Variants in LUZP2 observed in about 807,000 individuals in gnomAD.
The protein encoded by LUZP2 is leucine zipper protein 2.
LUZP2 carries 52 observed loss-of-function variants against 51.6 expected under a neutral mutation model. The ratio of observed to expected loss-of-function variants is 1.01; its 90% confidence interval spans 0.81 to 1.27. The LOEUF is 1.27. Among genes scored for constraint, LUZP2 ranks in the 50% most tolerant of loss-of-function variants. The probability of loss-of-function intolerance (pLI) is 0.00; values close to 1 mark genes in which losing one functional copy is unlikely to be tolerated. For synonymous variants in LUZP2, 154 were observed against 137.3 expected, an observed-to-expected ratio of 1.12 and a Z score of -0.85; for missense variants, 436 against 395.4, an observed-to-expected ratio of 1.10 and a Z score of -0.87.
In LUZP2 at chr11:24,600,215, A is replaced by ACACACG. The variant is rs1554961581; in HGVS notation, c.62+102913_62+102914insACGCAC. On this transcript the variant is annotated intron_variant, in intron 1 of 11. Transcript: ENST00000336930. ...CACACACACACACACACACACACAC[A>ACACACG]CACGCACAATGGGGTAACATCATGT... Among the ~76,000 whole-genome samples, 116 of 145,536 alleles carry ACACACG rather than the reference A, an allele frequency of 8.0e-4. 1 individual carries two copies. The highest frequency in any genetic ancestry group is 2.9e-3 in the African/African-American group (112 of 38,904).
chr11:24,810,454 C>T lies in LUZP2; in HGVS notation c.396+47146C>T, dbSNP rs149835764. 2.6e-3 allele frequency among the ~76,000 whole-genome samples: 392 copies of T among 152,258 alleles called. 1 individual carries two copies. Among genetic ancestry groups the T allele is most frequent in the Non-Finnish European group, 3.4e-3 (231 of 67,988 alleles). Reference sequence around the variant, plus strand: ...GCCACTCTTTCTGGAGGGTATTCCACATAACCTGGTTAACAAAATTTAAAA... The same window carrying T: ...GCCACTCTTTCTGGAGGGTATTCCATATAACCTGGTTAACAAAATTTAAAA... On this transcript the variant is annotated intron_variant, in intron 5 of 11. Coordinates refer to ENST00000336930, the MANE Select transcript of LUZP2 (RefSeq NM_001009909.4).
intron 8 of LUZP2, among the ~76,000 whole-genome samples, chr11:24,978,406 G>T (rs117797865): frequency 1.3e-5 from 2 of 151,650 alleles, no homozygotes; most frequent in Non-Finnish European, 2.9e-5. Context: ...CTGTACAGTC[G>T]CTGCAATATT....
intron 5 of LUZP2, among the ~76,000 whole-genome samples, chr11:24,804,015 A>C (rs1025063220): frequency 6.6e-6 from 1 of 150,534 alleles, no homozygotes; most frequent in African/African-American, 2.4e-5. Flanking sequence ...AAAAAAAAAA[A>C]CTAGGAATAA....
chr11:25,072,237 C>G (rs1160124502), intron 10 of LUZP2, among the ~76,000 whole-genome samples: 1 of 152,138 alleles, frequency 6.6e-6, no homozygotes, highest in East Asian at 1.9e-4. Context: ...ACTTAAATCT[C>G]TCTGATACTC....
chr11:24,534,624 AAT>A (rs1287038812), intron 1 of LUZP2, among the ~76,000 whole-genome samples: 2 of 151,462 alleles, frequency 1.3e-5, no homozygotes, highest in African/African-American at 2.4e-5. Context: ...TTTAATATTG[AAT>A]ATGTTTCTAA....
At chr11:24,569,229 C>T (rs1425422066) in intron 1 of LUZP2, among the ~76,000 whole-genome samples, 1 of 151,962 alleles carries the variant, frequency 6.6e-6, no homozygotes, top group Non-Finnish European at 1.5e-5. Flanking sequence ...TACATTTAAT[C>T]TATCTATATA....
In LUZP2 at chr11:24,637,390, G is replaced by A. The variant is rs368241485; in HGVS notation, c.63-91779G>A. 4.6e-5 allele frequency among the ~76,000 whole-genome samples: 7 copies of A among 151,890 alleles called. No individual in the cohort carries two copies. In the East Asian group the frequency reaches 9.6e-4, roughly 21 times the overall value. On this transcript the variant is annotated intron_variant, in intron 1 of 11. Transcript: ENST00000336930. ...TAACTGTACAAATTGTTGGTAAAAC[G>A]TGTATTTGAACAATATGAAATCAGT...
intron 5 of LUZP2, among the ~76,000 whole-genome samples, chr11:24,792,342 T>C (rs1564898487): frequency 2.6e-5 from 4 of 151,546 alleles, no homozygotes; most frequent in Admixed American, 1.3e-4. Context: ...CAGGGGAATC[T>C]CTTGAACCTG....
intron 7 of LUZP2, among the ~76,000 whole-genome samples, chr11:24,946,622 C>T (rs1435753601): frequency 6.6e-6 from 1 of 151,570 alleles, no homozygotes; most frequent in Non-Finnish European, 1.5e-5. Context: ...GCTCCTTTGC[C>T]CCAACCCTTC....
At chr11:24,685,008 A>G (rs966373202) in intron 1 of LUZP2, among the ~76,000 whole-genome samples, 1 of 146,868 alleles carries the variant, frequency 6.8e-6, no homozygotes, top group African/African-American at 2.5e-5. Flanking sequence ...AAGTGTCACC[A>G]CTTACTGTAT....
intron 7 of LUZP2, among the ~76,000 whole-genome samples, chr11:24,965,808 C>T (rs1381944874): frequency 1.3e-5 from 2 of 151,738 alleles, no homozygotes; most frequent in Non-Finnish European, 3.0e-5. Flanking sequence ...TTTGTCTACT[C>T]TGGTACATTG....
At chr11:24,682,621 TATATATATACAC>T (rs1202021238) in intron 1 of LUZP2, among the ~76,000 whole-genome samples, 2 of 98,722 alleles carry the variant, frequency 2.0e-5, no homozygotes, top group Non-Finnish European at 2.2e-5. Context: ...TATGTGTATA[TATATATATACAC>T]ATATATATAC....
At chr11:24,498,808 A>G (rs1461964743) in intron 1 of LUZP2, among the ~76,000 whole-genome samples, 6 of 152,134 alleles carry the variant, frequency 3.9e-5, no homozygotes, top group African/African-American at 9.7e-5. Flanking sequence ...AACTTTGGAC[A>G]CTTAAGTAGA....
intron 7 of LUZP2, among the ~76,000 whole-genome samples, chr11:24,915,117 A>G (rs982991211): frequency 1.3e-5 from 2 of 152,138 alleles, no homozygotes; most frequent in Non-Finnish European, 2.9e-5. Flanking sequence ...GGAGACCTGA[A>G]TACAAAGAGA....
intron 1 of LUZP2, among the ~76,000 whole-genome samples, chr11:24,514,623 G>A (rs1850408372): frequency 6.6e-6 from 1 of 152,000 alleles, no homozygotes. Context: ...GATGTTCTTT[G>A]TTTATGTAAA....
intron 5 of LUZP2, among the ~76,000 whole-genome samples, chr11:24,870,066 A>T (rs908089439): frequency 1.3e-5 from 2 of 152,128 alleles, no homozygotes; most frequent in Non-Finnish European, 2.9e-5. Context: ...TGTATAGAAG[A>T]TCTAACCTGC....
rs1240658693 is a variant in LUZP2, at chr11:24,735,404, G to A, written c.252-2817G>A. On this transcript the variant is annotated intron_variant, in intron 3 of 11. Transcript: ENST00000336930. ...AATAGGACAGGACCCTGAAATGTCTGAAAATTTGAAAATGTCCTTGAGCAA... is the reference window on the plus strand; with the variant it reads ...AATAGGACAGGACCCTGAAATGTCTAAAAATTTGAAAATGTCCTTGAGCAA... 4.6e-5 allele frequency among the ~76,000 whole-genome samples: 7 copies of A among 151,972 alleles called. No individual in the cohort carries two copies. The East Asian group carries it at 1.4e-3, about 30-fold the overall frequency.
chr11:24,655,438 A>G (rs1415182096), intron 1 of LUZP2, among the ~76,000 whole-genome samples: 1 of 152,128 alleles, frequency 6.6e-6, no homozygotes, highest in Non-Finnish European at 1.5e-5. Context: ...CATTTCGGAA[A>G]TAAACTGCAA....
chr11:24,786,597 A>G (rs1344667114), intron 5 of LUZP2: 2 of 235,288 alleles, frequency 8.5e-6, no homozygotes, highest in African/African-American at 2.4e-5. Flanking sequence ...TTTGCATTAT[A>G]TTATATAATA....
Sources: gnomAD v4.1 joint callset for allele counts (sites outside exome capture counted in the v4.1 genomes callset) on GRCh38, gnomAD v4.1.1 for gene constraint, MANE v1.5 for transcripts, NCBI Gene and HGNC (gene_info 2026-07-23, HGNC 2026-07-21) for gene names.